The following ICE2 variants were observed in gnomAD, a reference collection of about 807,000 sequenced individuals.
The protein encoded by ICE2 is little elongation complex subunit 2.
In ICE2, 87 loss-of-function variants were observed where a neutral mutation model predicts 105.4. The ratio of observed to expected loss-of-function variants is 0.83; its 90% CI spans 0.69 to 0.99. The LOEUF (loss-of-function observed/expected upper bound fraction) is 0.99. Among genes scored for constraint, ICE2 ranks in the 50% least tolerant of loss-of-function variants. The pLI, the probability that ICE2 is intolerant of heterozygous loss-of-function variation, is 0.00. For synonymous variants in ICE2, 399 were observed against 392.0 expected (o/e 1.02, Z -0.21); for missense variants, 1,323 against 1,146.7 (o/e 1.15, Z -2.22).
chr15:60,460,139 A>T (rs1330035726), intron 5 of ICE2, among the ~76,000 whole-genome samples: 1 of 152,194 alleles, frequency 6.6e-6, no homozygotes, highest in Non-Finnish European at 1.5e-5. Flanking sequence ...TACAGTTATC[A>T]AGACCATATG....
At position 60,449,248 on chromosome 15, in the gene ICE2, T is replaced by C; in HGVS notation, c.1719A>G (p.Thr573=). Residue 573 remains threonine, a synonymous_variant, in exon 10 of 16, where the codon ACA becomes ACG. Coordinates refer to ENST00000261520, the MANE Select transcript of ICE2 (RefSeq NM_024611.6). The part of the protein sequence containing the change: ...TEDTVLCSSD[T]DEECLIIDTE... ...TATCAATGATTAAACACTCCTCATC[T>C]GTATCACTGCTGCAGAGAACTGTAT... The C allele has an allele frequency of 6.2e-7, 1 of 1,613,854 alleles. No homozygotes were observed.
chr15:60,469,024 A>C (rs1567010108), intron 3 of ICE2, among the ~76,000 whole-genome samples: 1 of 152,180 alleles, frequency 6.6e-6, no homozygotes, highest in Non-Finnish European at 1.5e-5. Flanking sequence ...ACCTGTTACC[A>C]TATGTGTTTA....
intron 11 of ICE2, among the ~76,000 whole-genome samples, chr15:60,445,984 T>A (rs950925269): frequency 2.0e-5 from 3 of 152,186 alleles, no homozygotes; most frequent in African/African-American, 7.2e-5. Flanking sequence ...TTAACACAGA[T>A]GAGGCAGGAA....
At position 60,421,946 on chromosome 15, in the gene ICE2, C is replaced by G. The variant is rs2140977050; in HGVS notation, c.*1688G>C. On this transcript the variant is annotated 3_prime_UTR_variant, in exon 16 of 16. Coordinates refer to ENST00000261520, the MANE Select transcript of ICE2 (RefSeq NM_024611.6). ...ATAAGTATTTTCAACTGTTACAATA[C>G]TTGAGGAGATTTTTCGGTCTAATTT... 1 of 151,972 alleles carries G rather than the reference C, an allele frequency of 6.6e-6. No individual in the cohort carries two copies. The highest frequency in any genetic ancestry group is 6.5e-5 in the Admixed American group (1 of 15,278). 9.4% of individuals were successfully genotyped at this position (151,972 alleles called of 1,614,324 possible).
intron 2 of ICE2, among the ~76,000 whole-genome samples, chr15:60,477,200 G>T (rs915534026): frequency 1.3e-5 from 2 of 152,304 alleles, no homozygotes; most frequent in South Asian, 2.1e-4. Context: ...TCGTGGTATT[G>T]TATCTGTGAC....
intron 15 of ICE2, among the ~76,000 whole-genome samples, chr15:60,424,402 G>A (rs1310554967): frequency 6.6e-6 from 1 of 152,114 alleles, no homozygotes; most frequent in South Asian, 2.1e-4. Context: ...GAAAAAACTG[G>A]AAGGGGGAAT....
Position 60,475,863 on chromosome 15 carries a change from A to C in ICE2, c.146+200T>G, listed in dbSNP as rs141215315. ...TTGGGATAGTTTAGCATAGTATTAT[A>C]AAATACTATAAAATTGTTTTGCAGT... On this transcript the variant is annotated intron_variant, in intron 3 of 15. Transcript: ENST00000261520. Among the ~76,000 whole-genome samples, 211 of 152,260 alleles carry C rather than the reference A, an allele frequency of 1.4e-3. 1 individual carries two copies. Among genetic ancestry groups the C allele is most frequent in the Admixed American group, 2.6e-3 (40 of 15,304 alleles).
intron 5 of ICE2, among the ~76,000 whole-genome samples, chr15:60,462,385 G>A (rs1567001465): frequency 6.6e-6 from 1 of 152,098 alleles, no homozygotes; most frequent in Non-Finnish European, 1.5e-5. Flanking sequence ...TTGTGTTCTT[G>A]AAAACTGCTA....
At chr15:60,439,768 T>C (rs1165649998) in intron 12 of ICE2, 1 of 152,204 alleles carries the variant, frequency 6.6e-6, no homozygotes, top group African/African-American at 2.4e-5. Flanking sequence ...TTCAATGTCA[T>C]GAAATTATCT....
chr15:60,459,543 G>A (rs763485974), intron 5 of ICE2, among the ~76,000 whole-genome samples: 2 of 152,276 alleles, frequency 1.3e-5, no homozygotes, highest in East Asian at 1.9e-4. Flanking sequence ...CAGGAAGAAT[G>A]AAAGAATCTC....
chr15:60,426,672 T>G (rs1179650788), intron 15 of ICE2, among the ~76,000 whole-genome samples: 3 of 152,202 alleles, frequency 2.0e-5, no homozygotes, highest in African/African-American at 7.2e-5. Flanking sequence ...TACTCATTTT[T>G]TTAGAAACAC....
intron 6 of ICE2, 47 bp downstream of exon 6, chr15:60,456,610 C>CACA (rs751552619): frequency 3.9e-6 from 4 of 1,017,800 alleles, no homozygotes; most frequent in Non-Finnish European, 5.5e-6. Context: ...CACACACACA[C>CACA]TATTTCAGAC....
intron 12 of ICE2, chr15:60,440,693 A>AT (rs1334458245): frequency 1.3e-5 from 2 of 152,226 alleles, no homozygotes; most frequent in East Asian, 3.9e-4. Flanking sequence ...ACTTCAAGTG[A>AT]TTTTCTTGAA....
chr15:60,461,400 A>G (rs1224098527), intron 5 of ICE2, among the ~76,000 whole-genome samples: 1 of 152,224 alleles, frequency 6.6e-6, no homozygotes, highest in East Asian at 1.9e-4. Context: ...TTCAATAGAC[A>G]TTTCACAAAA....
chr15:60,463,080 G>A (rs1047199709), intron 5 of ICE2, among the ~76,000 whole-genome samples: 2 of 152,122 alleles, frequency 1.3e-5, no homozygotes, highest in Non-Finnish European at 2.9e-5. Context: ...ATGCCTAATT[G>A]TAAGTAAATA....
chr15:60,470,992 A>G (rs1352956775), intron 3 of ICE2, among the ~76,000 whole-genome samples: 1 of 152,196 alleles, frequency 6.6e-6, no homozygotes, highest in African/African-American at 2.4e-5. Context: ...GTTACATTCC[A>G]TCCAAAACTA....
chr15:60,439,186 T>C (rs185769541), intron 12 of ICE2: 1 of 152,264 alleles, frequency 6.6e-6, no homozygotes, highest in Admixed American at 6.5e-5. Flanking sequence ...CCTTTAAAAT[T>C]TTTATCAAAA....
chr15:60,466,728 A>G lies in ICE2; in HGVS notation c.409-15T>C, dbSNP rs1412268174. ...TTTTTCATATCCTGATTTTTAAAAA[A>G]GTAGACATGTCTTGGGATAAAAAGT... On this transcript the variant is annotated splice_polypyrimidine_tract_variant and intron_variant, in intron 4 of 15. Transcript: ENST00000261520. The G allele has an allele frequency of 6.6e-5, 104 of 1,585,222 alleles. No individual in the cohort carries two copies. The highest frequency in any genetic ancestry group is 8.7e-5 in the Non-Finnish European group (102 of 1,167,498).
intron 3 of ICE2, among the ~76,000 whole-genome samples, chr15:60,468,625 TAC>T (rs1361436124): frequency 1.3e-5 from 2 of 152,212 alleles, no homozygotes; most frequent in Non-Finnish European, 2.9e-5. Flanking sequence ...TCTTGCCAAT[TAC>T]ACATGCAGGT....
Sources: gnomAD v4.1 joint callset for allele counts (sites outside exome capture counted in the v4.1 genomes callset) on GRCh38, gnomAD v4.1.1 for gene constraint, MANE v1.5 for transcripts, NCBI Gene and HGNC (gene_info 2026-07-23, HGNC 2026-07-21) for gene names.